TRMT11: variants seen among roughly 807,000 people sequenced by gnomAD.
TRMT11 encodes the protein tRNA (guanine(10)-N(2))-methyltransferase TRMT11.
A neutral mutation model predicts 62.8 loss-of-function variants in TRMT11; 53 were observed. That is an observed-to-expected ratio of 0.84 (90% confidence interval 0.68 to 1.06). TRMT11 has a LOEUF of 1.06. TRMT11 is among the 50% of genes least tolerant of loss of function. TRMT11 has a pLI of 0.00. For missense variants in TRMT11, 556 were observed against 553.4 expected (o/e 1.00, Z -0.05); for synonymous variants, 188 against 190.3 (o/e 0.99, Z 0.10).
chr6:126,124,493 A>C (rs956615703), intron 21 of TRMT11, among the ~76,000 whole-genome samples: 1 of 152,012 alleles, frequency 6.6e-6, no homozygotes, highest in Non-Finnish European at 1.5e-5. Context: ...TCTCTCCCTG[A>C]ATAGGTGGGG....
Position 126,109,291 on chromosome 6 carries a change from G to A in TRMT11, c.*1438-3575G>A, listed in dbSNP as rs571778732. Among the ~76,000 whole-genome samples, 153 of 152,286 alleles carry A rather than the reference G, an allele frequency of 1.0e-3. 2 individuals carry two copies. Among genetic ancestry groups the A allele is most frequent in the South Asian group, 5.6e-3 (27 of 4,820 alleles). ...GGGACCAATCAAATTACATGTTGCAGTTAGTTGTCTCTTTAGTCTCTTTTA... is the reference window on the plus strand; with the variant it reads ...GGGACCAATCAAATTACATGTTGCAATTAGTTGTCTCTTTAGTCTCTTTTA... On this transcript the variant is annotated intron_variant and NMD_transcript_variant, in intron 17 of 22. Transcript: ENST00000648977.
chr6:126,157,938 G>A (rs1182075120), intron 21 of TRMT11, among the ~76,000 whole-genome samples: 1 of 151,974 alleles, frequency 6.6e-6, no homozygotes, highest in African/African-American at 2.4e-5. Flanking sequence ...TAAATTTTAA[G>A]GCAAAAGCCT....
At chr6:126,169,449 G>A (rs923447819) in intron 21 of TRMT11, among the ~76,000 whole-genome samples, 6 of 152,176 alleles carry the variant, frequency 3.9e-5, no homozygotes, top group East Asian at 1.9e-4. Context: ...TACCCATGTC[G>A]AAAAGACTCA....
At chr6:126,127,692 C>T (rs973046208) in intron 21 of TRMT11, among the ~76,000 whole-genome samples, 2 of 127,664 alleles carry the variant, frequency 1.6e-5, no homozygotes, top group Admixed American at 1.9e-4. Context: ...GTGTGATGTT[C>T]CCCTTCCTGT....
At chr6:126,057,199 T>G (rs1184155046) in intron 17 of TRMT11, among the ~76,000 whole-genome samples, 2 of 152,204 alleles carry the variant, frequency 1.3e-5, no homozygotes, top group African/African-American at 4.8e-5. Flanking sequence ...GACAAGCCTT[T>G]GCGGCTCTCC....
intron 17 of TRMT11, among the ~76,000 whole-genome samples, chr6:126,053,735 G>C (rs142459703): frequency 6.6e-6 from 1 of 151,912 alleles, no homozygotes; most frequent in African/African-American, 2.4e-5. Context: ...GGAACAAACT[G>C]TCTTTTCAAT....
chr6:126,205,240 C>A (rs933178699), downstream of TRMT11, among the ~76,000 whole-genome samples: 1 of 152,204 alleles, frequency 6.6e-6, no homozygotes, highest in African/African-American at 2.4e-5. Flanking sequence ...TGCAGTGGCT[C>A]ACGCCTGTAA....
Position 125,998,685 on chromosome 6 carries a change from G to A in TRMT11, c.522+1G>A. On this transcript the variant is annotated splice_donor_variant, in intron 6 of 12. Transcript: ENST00000334379. LOFTEE classifies it high-confidence loss of function. The stretch of plus-strand genomic sequence containing the variant: ...ACATAATATTTATTTTGGTAGATGG[G>A]TGAGCAAGTTTTCTTTCTACCTATG... 5 of 1,608,658 alleles carry A rather than the reference G, an allele frequency of 3.1e-6. No homozygotes were observed. The highest frequency in any genetic ancestry group is 1.1e-5 in the South Asian group (1 of 89,898).
In TRMT11 at chr6:125,988,144, T is replaced by G. The variant is rs2128723920; in HGVS notation, c.72+1522T>G. On this transcript the variant is annotated intron_variant, in intron 1 of 12. Transcript: ENST00000334379. ...TAAAGTTTTAGGAAGCAGGGACAAA[T>G]GGATAAATGTCGAATGCAGTTGCTT... 2.0e-5 allele frequency among the ~76,000 whole-genome samples: 3 copies of G among 152,270 alleles called. 1 individual carries two copies. In the Middle Eastern group the frequency reaches 0.01, roughly 518 times the overall value.
chr6:126,215,875 A>G, the TRMT11 span, among the ~76,000 whole-genome samples: 11 of 152,204 alleles, frequency 7.2e-5, no homozygotes, highest in Non-Finnish European at 1.5e-4. Context: ...CAAACTGTGC[A>G]ATTTAATTTC....
At position 125,999,171 on chromosome 6, in the gene TRMT11, T is replaced by C. The variant is rs569882659; in HGVS notation, c.523-286T>C. Among the ~76,000 whole-genome samples, 23 of 152,294 alleles carry C rather than the reference T, an allele frequency of 1.5e-4. 2 individuals carry two copies. In the South Asian group the frequency reaches 4.3e-3, roughly 29 times the overall value. ...TGACTTATGTTAGAGATTATTGTTA[T>C]GTAGGAGAACAAAGAAATGGGCATA... On this transcript the variant is annotated intron_variant, in intron 6 of 12. Coordinates refer to ENST00000334379, the MANE Select transcript of TRMT11 (RefSeq NM_001031712.3).
At chr6:126,175,864 G>A (rs142324682), upstream of TRMT11, among the ~76,000 whole-genome samples, 293 of 152,216 alleles carry the variant, frequency 1.9e-3, 2 homozygotes, top group African/African-American at 6.7e-3. Context: ...TGATGTTTTG[G>A]TACAAAATGC....
chr6:126,037,335 T>C (rs1000479230), intron 12 of TRMT11, among the ~76,000 whole-genome samples: 1 of 152,098 alleles, frequency 6.6e-6, no homozygotes, highest in Non-Finnish European at 1.5e-5. Context: ...AGGTCGTACA[T>C]ATAAAGCATT....
At chr6:126,204,243 C>A (rs1778769035), downstream of TRMT11, among the ~76,000 whole-genome samples, 1 of 152,176 alleles carries the variant, frequency 6.6e-6, no homozygotes, top group Non-Finnish European at 1.5e-5. Flanking sequence ...CTTGGGCTTT[C>A]CTCTGAAACT....
upstream of TRMT11, among the ~76,000 whole-genome samples, chr6:126,172,822 A>C (rs1353522269): frequency 6.6e-6 from 1 of 152,170 alleles, no homozygotes; most frequent in Non-Finnish European, 1.5e-5. Flanking sequence ...TCTCTGATAC[A>C]TGCAAGATCA....
At chr6:126,139,155 A>G (rs1185853179) in intron 21 of TRMT11, among the ~76,000 whole-genome samples, 2 of 151,966 alleles carry the variant, frequency 1.3e-5, no homozygotes, top group Admixed American at 1.3e-4. Context: ...ATATAGAAGT[A>G]GCTGAAACTA....
the TRMT11 span, among the ~76,000 whole-genome samples, chr6:126,250,887 C>T: frequency 6.6e-6 from 1 of 152,190 alleles, no homozygotes; most frequent in Non-Finnish European, 1.5e-5. Flanking sequence ...GATAAACCAT[C>T]TATCTTTGCC....
chr6:126,218,423 T>C, the TRMT11 span, among the ~76,000 whole-genome samples: 1 of 152,206 alleles, frequency 6.6e-6, no homozygotes, highest in East Asian at 1.9e-4. Flanking sequence ...CTAAGAACTC[T>C]TTAGTCAGCA....
At chr6:126,052,015 A>G in intron 16 of TRMT11, among the ~76,000 whole-genome samples, 1 of 152,192 alleles carries the variant, frequency 6.6e-6, no homozygotes, top group East Asian at 1.9e-4. Context: ...TGGCAAAGAG[A>G]ATTGACATGA....
Sources: gnomAD v4.1 joint callset for allele counts (sites outside exome capture counted in the v4.1 genomes callset) on GRCh38, gnomAD v4.1.1 for gene constraint, MANE v1.5 for transcripts, NCBI Gene and HGNC (gene_info 2026-07-23, HGNC 2026-07-21) for gene names.